The following ANKRD44 variants were observed in gnomAD, a reference collection of about 807,000 sequenced individuals.
ANKRD44 encodes the protein serine/threonine-protein phosphatase 6 regulatory ankyrin repeat subunit B.
In ANKRD44, 35 loss-of-function variants were observed where a neutral mutation model predicts 116.0. The ratio of observed to expected loss-of-function variants is 0.30; its 90% CI spans 0.23 to 0.40. The LOEUF is 0.40. ANKRD44 is among the 10% of genes least tolerant of loss of function. ANKRD44 has a pLI of 1.00. For missense variants in ANKRD44, 1,014 were observed against 1,242.6 expected (o/e 0.82, Z 2.77); for synonymous variants, 435 against 461.8 (o/e 0.94, Z 0.74).
At chr2:197,278,078 T>A (rs1334729777) in intron 1 of ANKRD44, among the ~76,000 whole-genome samples, 3 of 151,918 alleles carry the variant, frequency 2.0e-5, no homozygotes, top group Admixed American at 6.6e-5. Context: ...TAACGCAGCA[T>A]CTCCCAAGGC....
chr2:197,298,935 G>C (rs1182517501), intron 1 of ANKRD44, among the ~76,000 whole-genome samples: 1 of 151,770 alleles, frequency 6.6e-6, no homozygotes, highest in Non-Finnish European at 1.5e-5. Flanking sequence ...AAAAGAAAGA[G>C]AGAGAAAATG....
intron 16 of ANKRD44, among the ~76,000 whole-genome samples, chr2:197,057,542 T>C (rs948507962): frequency 2.6e-5 from 4 of 152,210 alleles, no homozygotes; most frequent in African/African-American, 9.7e-5. Context: ...AACTTGTCCA[T>C]ATTGATCCAA....
chr2:197,083,932 C>T (rs779077271), intron 13 of ANKRD44, among the ~76,000 whole-genome samples: 6 of 152,162 alleles, frequency 3.9e-5, no homozygotes, highest in Non-Finnish European at 5.9e-5. Flanking sequence ...TCTTTTCCTT[C>T]CTAGAGCCTA....
At chr2:196,989,722 A>G in intron 27 of ANKRD44, 73 bp from the exon 28 acceptor site, 2 of 1,538,424 alleles carry the variant, frequency 1.3e-6, no homozygotes, top group Non-Finnish European at 1.8e-6. Context: ...TCGGTTTTAC[A>G]TGCTAAATCA....
intron 24 of ANKRD44, 27 bp from the exon 25 acceptor site, chr2:196,998,446 A>G (rs370562788): frequency 5.4e-5 from 84 of 1,552,296 alleles, no homozygotes; most frequent in Non-Finnish European, 6.8e-5. Context: ...AAAGAGGGTT[A>G]CTTAGATGAG....
intron 1 of ANKRD44, among the ~76,000 whole-genome samples, chr2:197,193,476 A>G (rs557872625): frequency 6.6e-6 from 1 of 152,338 alleles, no homozygotes; most frequent in African/African-American, 2.4e-5. Flanking sequence ...TAGTAGAAAG[A>G]TTAATGCTAT....
At chr2:197,103,466 A>T (rs1027695641) in intron 9 of ANKRD44, among the ~76,000 whole-genome samples, 20 of 152,160 alleles carry the variant, frequency 1.3e-4, no homozygotes, top group African/African-American at 4.8e-4. Context: ...CTGAAAATTC[A>T]AGAAAACAGC....
intron 1 of ANKRD44, among the ~76,000 whole-genome samples, chr2:197,234,122 A>G (rs1003351448): frequency 1.3e-5 from 2 of 152,160 alleles, no homozygotes; most frequent in East Asian, 1.9e-4. Context: ...TCCTTCCCCA[A>G]AGTAACCCAC....
chr2:196,988,816 C>A lies in ANKRD44; in HGVS notation c.*775G>T. The A allele has an allele frequency of 1.0e-6, 1 of 985,430 alleles. No homozygotes were observed. Among genetic ancestry groups the A allele is most frequent in the Non-Finnish European group, 1.2e-6 (1 of 829,918 alleles). The allele number at this position is 985,430 out of a possible 1,614,324, so 61.0% of individuals were successfully genotyped here. A position where few individuals can be genotyped will look rare whatever the true frequency, so the allele number is the denominator to read the frequency against. ...TCCTTTTGGCACATGTGCCCACACA[C>A]TGCCATCATTTCTCATCAGGTTACT... On this transcript the variant is annotated 3_prime_UTR_variant, in exon 28 of 28. Coordinates refer to ENST00000282272, the MANE Select transcript of ANKRD44 (RefSeq NM_001195144.2).
chr2:196,989,015 T>C lies in ANKRD44; in HGVS notation c.*576A>G, dbSNP rs1380341563. 1.0e-6 allele frequency: 1 copy of C among 985,336 alleles called. No individual in the cohort carries two copies. Among genetic ancestry groups the C allele is most frequent in the East Asian group, 1.1e-4 (1 of 8,830 alleles). The allele number at this position is 985,336 out of a possible 1,614,324, so 61.0% of individuals were successfully genotyped here. A position where few individuals can be genotyped will look rare whatever the true frequency, so the allele number is the denominator to read the frequency against. On this transcript the variant is annotated 3_prime_UTR_variant, in exon 28 of 28. Coordinates refer to ENST00000282272, the MANE Select transcript of ANKRD44 (RefSeq NM_001195144.2). ...CAGACTGTGGCTGAGCAGTAGAAGA[T>C]GCGTAGCCCTCTCTAACCAACGCGG...
chr2:196,974,126 A>G (rs1481362872), intron 21 of ANKRD44, among the ~76,000 whole-genome samples: 1 of 151,682 alleles, frequency 6.6e-6, no homozygotes, highest in African/African-American at 2.4e-5. Flanking sequence ...TCTGTTGCCC[A>G]GGCTAGAGTG....
At chr2:197,012,494 G>T (rs1278718238) in intron 18 of ANKRD44, among the ~76,000 whole-genome samples, 1 of 150,688 alleles carries the variant, frequency 6.6e-6, no homozygotes, top group Non-Finnish European at 1.5e-5. Flanking sequence ...GATGAGAAAT[G>T]AGAATTTATA....
intron 1 of ANKRD44, among the ~76,000 whole-genome samples, chr2:197,295,123 T>A (rs2083680462): frequency 1.3e-5 from 2 of 152,252 alleles, no homozygotes; most frequent in South Asian, 4.1e-4. Flanking sequence ...ACTAAGCTTC[T>A]ACTTTCTCCT....
rs142524158 is a variant in ANKRD44 at position 197,146,668 on chromosome 2, C to A, written c.190+359G>T. The stretch of plus-strand genomic sequence containing the variant: ...TATACATAGTGTGTATATATACTCA[C>A]TATACATAGTGTGTATAGGTGTATG... On this transcript the variant is annotated intron_variant, in intron 3 of 27. Transcript: ENST00000282272. 1.9e-3 allele frequency among the ~76,000 whole-genome samples: 284 copies of A among 151,970 alleles called. 4 individuals carry two copies. In the East Asian group the frequency reaches 0.027, roughly 15 times the overall value.
intron 16 of ANKRD44, among the ~76,000 whole-genome samples, chr2:197,045,743 T>C (rs1007591330): frequency 6.6e-6 from 1 of 152,224 alleles, no homozygotes; most frequent in Non-Finnish European, 1.5e-5. Context: ...ACTTTTTATA[T>C]AACTTCTAAA....
At chr2:197,019,440 T>C (rs780141338) in intron 17 of ANKRD44, among the ~76,000 whole-genome samples, 5 of 152,212 alleles carry the variant, frequency 3.3e-5, no homozygotes, top group Non-Finnish European at 7.3e-5. Context: ...TGGGCATGCA[T>C]TGCCTCACTG....
intron 21 of ANKRD44, among the ~76,000 whole-genome samples, chr2:196,979,661 C>T (rs2075787051): frequency 7.0e-6 from 1 of 142,102 alleles, no homozygotes; most frequent in Admixed American, 7.5e-5. Flanking sequence ...CCTCCCAATT[C>T]AAGTGATTCT....
At chr2:197,095,569 T>C (rs886812301) in intron 10 of ANKRD44, among the ~76,000 whole-genome samples, 1 of 152,210 alleles carries the variant, frequency 6.6e-6, no homozygotes, top group African/African-American at 2.4e-5. Flanking sequence ...GTGACTTCAC[T>C]TTGGCAAAAT....
chr2:197,058,283 C>T (rs1005550556), intron 16 of ANKRD44, among the ~76,000 whole-genome samples: 3 of 152,228 alleles, frequency 2.0e-5, no homozygotes, highest in Non-Finnish European at 2.9e-5. Flanking sequence ...TGCCTGACAC[C>T]GCAGGTCCCC....
Sources: allele counts gnomAD v4.1 joint callset (sites outside exome capture counted in the v4.1 genomes callset), GRCh38; gene constraint gnomAD v4.1.1; transcripts MANE v1.5; gene names NCBI Gene and HGNC (gene_info 2026-07-23, HGNC 2026-07-21).